The following SLC24A2 variants were observed in gnomAD, a reference collection of about 807,000 sequenced individuals.
The protein encoded by SLC24A2 is sodium/potassium/calcium exchanger 2.
In SLC24A2, 36 loss-of-function variants were observed where a neutral mutation model predicts 62.0. That is an observed-to-expected ratio of 0.58 (90% CI 0.44 to 0.77). The LOEUF (loss-of-function observed/expected upper bound fraction) is 0.77, where lower values mean the gene tolerates loss of function less well. SLC24A2 is among the 30% of genes least tolerant of loss of function. The probability of loss-of-function intolerance (pLI) is 0.00; values close to 1 mark genes in which losing one functional copy is unlikely to be tolerated. For missense variants in SLC24A2, 846 were observed against 817.9 expected, an observed-to-expected ratio of 1.03 and a Z score of -0.42; for synonymous variants, 358 against 294.0, an observed-to-expected ratio of 1.22 and a Z score of -2.23.
At chr9:19,908,260 G>T in the SLC24A2 span, among the ~76,000 whole-genome samples, 1 of 102,292 alleles carries the variant, frequency 9.8e-6, no homozygotes, top group Admixed American at 1.1e-4. Flanking sequence ...AATAAATGGT[G>T]CTGGGAAAAC....
At chr9:20,033,484 T>G in the SLC24A2 span, among the ~76,000 whole-genome samples, 1 of 152,216 alleles carries the variant, frequency 6.6e-6, no homozygotes, top group Non-Finnish European at 1.5e-5. Flanking sequence ...CTTTTACTTT[T>G]TAGTAGACAG....
chr9:20,053,997 C>T, the SLC24A2 span, among the ~76,000 whole-genome samples: 9 of 152,098 alleles, frequency 5.9e-5, no homozygotes, highest in African/African-American at 2.2e-4. Context: ...TATCCATTGT[C>T]CTGAATGGAA....
the SLC24A2 span, among the ~76,000 whole-genome samples, chr9:20,217,211 C>G: frequency 6.6e-6 from 1 of 152,168 alleles, no homozygotes; most frequent in East Asian, 1.9e-4. Context: ...AGAAGCCAGA[C>G]ATAGAAATTG....
intron 2 of SLC24A2, among the ~76,000 whole-genome samples, chr9:19,753,650 T>C (rs1822050198): frequency 6.6e-6 from 1 of 152,170 alleles, no homozygotes; most frequent in South Asian, 2.1e-4. Flanking sequence ...GCTTTAATAT[T>C]TTCTTATTTT....
intron 5 of SLC24A2, among the ~76,000 whole-genome samples, chr9:19,577,817 CTG>C (rs532348039): frequency 2.8e-3 from 409 of 148,304 alleles, no homozygotes; most frequent in Middle Eastern, 0.025. Context: ...GATAAAGAAA[CTG>C]TTATATATAT....
chr9:19,905,906 T>G, the SLC24A2 span, among the ~76,000 whole-genome samples: 2 of 152,094 alleles, frequency 1.3e-5, no homozygotes, highest in Non-Finnish European at 2.9e-5. Context: ...CTGTCAACAT[T>G]AGACAGATCA....
the SLC24A2 span, among the ~76,000 whole-genome samples, chr9:19,890,595 T>A: frequency 6.6e-6 from 1 of 152,240 alleles, no homozygotes; most frequent in South Asian, 2.1e-4. Flanking sequence ...AATATTGAAA[T>A]GTCTGAAGGC....
intron 5 of SLC24A2, among the ~76,000 whole-genome samples, chr9:19,594,125 A>G (rs1042875987): frequency 2.0e-5 from 3 of 151,106 alleles, no homozygotes; most frequent in African/African-American, 7.3e-5. Flanking sequence ...CTCCTCCCAC[A>G]CCTCACCCGC....
chr9:19,950,266 C>G, the SLC24A2 span, among the ~76,000 whole-genome samples: 1 of 152,098 alleles, frequency 6.6e-6, no homozygotes, highest in Non-Finnish European at 1.5e-5. Flanking sequence ...ATATATAAAG[C>G]TATCAGTTGG....
At chr9:19,609,209 G>A (rs1837075919) in intron 4 of SLC24A2, among the ~76,000 whole-genome samples, 6 of 152,238 alleles carry the variant, frequency 3.9e-5, no homozygotes, top group Admixed American at 3.9e-4. Flanking sequence ...CGCTCTCACT[G>A]CTTCAGGAAT....
chr9:20,281,128 C>A, the SLC24A2 span, among the ~76,000 whole-genome samples: 1 of 151,926 alleles, frequency 6.6e-6, no homozygotes, highest in African/African-American at 2.4e-5. Context: ...CAGGGTTTCA[C>A]CATCTTGCAC....
intron 2 of SLC24A2, among the ~76,000 whole-genome samples, chr9:19,734,308 G>C (rs995276201): frequency 6.6e-6 from 1 of 152,206 alleles, no homozygotes; most frequent in Non-Finnish European, 1.5e-5. Context: ...ATAGTTTGAA[G>C]TCAGGTAGCG....
intron 2 of SLC24A2, among the ~76,000 whole-genome samples, chr9:19,712,867 C>T (rs1820753877): frequency 6.6e-6 from 1 of 152,132 alleles, no homozygotes. Context: ...CTCTATCCAC[C>T]AGATGCCAGT....
chr9:19,927,516 T>A, the SLC24A2 span: 2 of 152,286 alleles, frequency 1.3e-5, no homozygotes, highest in African/African-American at 4.8e-5. Flanking sequence ...CTTAGTCATA[T>A]GAGGCAGAAC....
chr9:19,519,964 G>C (rs1217888407), intron 10 of SLC24A2, among the ~76,000 whole-genome samples: 1 of 152,144 alleles, frequency 6.6e-6, no homozygotes, highest in Non-Finnish European at 1.5e-5. Flanking sequence ...GGGCCCTTCA[G>C]TATTTTTATC....
the SLC24A2 span, among the ~76,000 whole-genome samples, chr9:19,892,675 A>C: frequency 1.3e-5 from 2 of 151,950 alleles, no homozygotes; most frequent in Non-Finnish European, 2.9e-5. Context: ...ATTATTATCC[A>C]CTTAATTCAC....
intron 2 of SLC24A2, among the ~76,000 whole-genome samples, chr9:19,633,411 C>T (rs1165028369): frequency 1.3e-5 from 2 of 152,330 alleles, no homozygotes; most frequent in African/African-American, 4.8e-5. Context: ...TACATTCTTA[C>T]CAGCAATGTG....
At chr9:19,853,298 T>A in the SLC24A2 span, among the ~76,000 whole-genome samples, 1 of 152,210 alleles carries the variant, frequency 6.6e-6, no homozygotes, top group Non-Finnish European at 1.5e-5. Context: ...ATACCCTTTA[T>A]TTTTTTCTCT....
At chr9:19,696,227 C>A (rs1820187528) in intron 2 of SLC24A2, among the ~76,000 whole-genome samples, 1 of 152,168 alleles carries the variant, frequency 6.6e-6, no homozygotes. Context: ...CCTCACCACA[C>A]CCCTAAGCCC....
Sources: allele counts gnomAD v4.1 joint callset (sites outside exome capture counted in the v4.1 genomes callset), GRCh38; gene constraint gnomAD v4.1.1; transcripts MANE v1.5; gene names NCBI Gene and HGNC (gene_info 2026-07-23, HGNC 2026-07-21).